Variants in CNTN5 observed in about 807,000 individuals in gnomAD.
The protein encoded by CNTN5 is contactin-5.
CNTN5 carries 77 observed loss-of-function variants against 129.1 expected under a neutral mutation model. The observed-to-expected ratio is 0.60, with a 90% CI of 0.50 to 0.72. The LOEUF is 0.72. Among genes scored for constraint, CNTN5 ranks in the 30% least tolerant of loss-of-function variants. CNTN5 has a pLI of 0.00. For synonymous variants in CNTN5, 509 were observed against 465.6 expected (o/e 1.09, Z -1.20); for missense variants, 1,478 against 1,328.8 (o/e 1.11, Z -1.75).
At chr11:100,012,414 A>G (rs987268178) in intron 9 of CNTN5, among the ~76,000 whole-genome samples, 1 of 152,102 alleles carries the variant, frequency 6.6e-6, no homozygotes, top group South Asian at 2.1e-4. Flanking sequence ...CGTGTTCAAC[A>G]TTCTTTCATA....
intron 1 of CNTN5, among the ~76,000 whole-genome samples, chr11:99,227,368 A>G (rs1860747730): frequency 6.6e-6 from 1 of 151,924 alleles, no homozygotes; most frequent in African/African-American, 2.4e-5. Flanking sequence ...TCAAAAAAAA[A>G]AAAAGAAAGA....
Position 99,029,914 on chromosome 11 carries a change from T to A in CNTN5, c.-210+8644T>A, listed in dbSNP as rs1235094305. On this transcript the variant is annotated intron_variant, in intron 1 of 24. Coordinates refer to ENST00000524871, the MANE Select transcript of CNTN5 (RefSeq NM_014361.4). ...TTAAAGCATATTCTTCAGGTTTTGA[T>A]CCACTGTTACTCTATGACTGTGTGA... Among the ~76,000 whole-genome samples, 7 of 152,170 alleles carry A rather than the reference T, an allele frequency of 4.6e-5. 1 individual carries two copies. Among genetic ancestry groups the A allele is most frequent in the Admixed American group, 4.6e-4 (7 of 15,266 alleles).
chr11:99,073,983 C>T (rs1462553890), intron 1 of CNTN5, among the ~76,000 whole-genome samples: 3 of 152,146 alleles, frequency 2.0e-5, no homozygotes, highest in South Asian at 4.1e-4. Flanking sequence ...CTTATTTACA[C>T]TCCCACCAAC....
chr11:99,138,522 A>T (rs563027270), intron 1 of CNTN5, among the ~76,000 whole-genome samples: 3 of 152,146 alleles, frequency 2.0e-5, no homozygotes, highest in Admixed American at 2.0e-4. Context: ...ATTTTTAAAC[A>T]ATGTTGCGAT....
At chr11:99,156,618 G>A (rs4237597) in intron 1 of CNTN5, among the ~76,000 whole-genome samples, 5 of 152,000 alleles carry the variant, frequency 3.3e-5, no homozygotes, top group Admixed American at 6.5e-5. Flanking sequence ...CTACAAATAC[G>A]AAAATTAGCA....
At chr11:99,367,353 T>A (rs931488588) in intron 2 of CNTN5, among the ~76,000 whole-genome samples, 2 of 151,740 alleles carry the variant, frequency 1.3e-5, no homozygotes, top group Admixed American at 6.6e-5. Flanking sequence ...GTTTTTTTTT[T>A]AAAGAAACAT....
At chr11:99,375,031 G>A (rs1353593872) in intron 2 of CNTN5, among the ~76,000 whole-genome samples, 1 of 152,152 alleles carries the variant, frequency 6.6e-6, no homozygotes, top group Non-Finnish European at 1.5e-5. Flanking sequence ...GGCCGGGCGT[G>A]ATGGTTCACG....
intron 22 of CNTN5, 144 bp from the exon 23 acceptor site, chr11:100,340,949 T>G: frequency 1.5e-6 from 1 of 668,140 alleles, no homozygotes; most frequent in Non-Finnish European, 2.6e-6. Flanking sequence ...AGCAAAACCC[T>G]CCTTATCTGA....
intron 3 of CNTN5, among the ~76,000 whole-genome samples, chr11:99,815,378 A>T (rs942108914): frequency 2.0e-5 from 3 of 152,046 alleles, no homozygotes; most frequent in African/African-American, 7.3e-5. Context: ...GAGTGGGGAA[A>T]CTCTGAGGAT....
intron 1 of CNTN5, among the ~76,000 whole-genome samples, chr11:99,312,572 A>C (rs935256686): frequency 6.6e-6 from 1 of 152,150 alleles, no homozygotes; most frequent in Non-Finnish European, 1.5e-5. Flanking sequence ...GACAGTTAAG[A>C]AAATTGGTTC....
intron 6 of CNTN5, among the ~76,000 whole-genome samples, chr11:99,890,503 CTATA>C (rs1250996352): frequency 6.6e-6 from 1 of 151,486 alleles, no homozygotes; most frequent in African/African-American, 2.4e-5. Context: ...TAATGTAAGT[CTATA>C]TACATATATG....
chr11:99,383,585 T>G (rs1165130099), intron 2 of CNTN5, among the ~76,000 whole-genome samples: 1 of 147,266 alleles, frequency 6.8e-6, no homozygotes, highest in Non-Finnish European at 1.5e-5. Flanking sequence ...TATATTTAGG[T>G]TGAGAAGCTG....
intron 1 of CNTN5, among the ~76,000 whole-genome samples, chr11:99,158,016 A>C (rs535240070): frequency 6.6e-6 from 1 of 152,262 alleles, no homozygotes; most frequent in East Asian, 1.9e-4. Context: ...ATGCTAAATA[A>C]TCATCTCACA....
chr11:99,564,495 C>T (rs912441580), intron 3 of CNTN5, among the ~76,000 whole-genome samples: 10 of 151,796 alleles, frequency 6.6e-5, no homozygotes, highest in Admixed American at 4.6e-4. Flanking sequence ...ATTAGCTGAA[C>T]GTAAAAAAAC....
At chr11:100,319,179 G>A (rs1466858701) in intron 21 of CNTN5, among the ~76,000 whole-genome samples, 2 of 145,448 alleles carry the variant, frequency 1.4e-5, no homozygotes, top group Non-Finnish European at 3.0e-5. Flanking sequence ...TTGAGATGGA[G>A]TCTCGCTCTA....
chr11:100,167,441 A>G (rs1418197379), intron 13 of CNTN5, among the ~76,000 whole-genome samples: 2 of 151,878 alleles, frequency 1.3e-5, no homozygotes, highest in Non-Finnish European at 2.9e-5. Flanking sequence ...ACAAATACCT[A>G]GCACTTTATC....
chr11:99,757,729 C>T (rs1477959780), intron 3 of CNTN5, among the ~76,000 whole-genome samples: 2 of 152,050 alleles, frequency 1.3e-5, no homozygotes, highest in Admixed American at 6.6e-5. Flanking sequence ...GGATACAGAA[C>T]AATCTGAGCT....
intron 16 of CNTN5, among the ~76,000 whole-genome samples, chr11:100,234,419 A>G (rs1949559814): frequency 6.6e-6 from 1 of 152,238 alleles, no homozygotes; most frequent in South Asian, 2.1e-4. Flanking sequence ...GATAGACTTG[A>G]TAAAGAAAAT....
At chr11:99,346,011 C>T (rs1245326003) in intron 2 of CNTN5, among the ~76,000 whole-genome samples, 1 of 152,096 alleles carries the variant, frequency 6.6e-6, no homozygotes, top group Admixed American at 6.6e-5. Flanking sequence ...AAATAGTTAG[C>T]CCACATTCAC....
Sources: allele counts gnomAD v4.1 joint callset (sites outside exome capture counted in the v4.1 genomes callset), GRCh38; gene constraint gnomAD v4.1.1; transcripts MANE v1.5; gene names NCBI Gene and HGNC (gene_info 2026-07-23, HGNC 2026-07-21).